The following DLGAP1 variants were observed in gnomAD, a reference collection of about 807,000 sequenced individuals.
The protein encoded by DLGAP1 is disks large-associated protein 1.
Under a neutral mutation model 90.8 loss-of-function variants are expected in DLGAP1, and 11 were observed. The observed-to-expected ratio is 0.12, with a 90% CI of 0.08 to 0.20. The LOEUF (loss-of-function observed/expected upper bound fraction) is 0.20, where lower values mean the gene tolerates loss of function less well. Ranked by LOEUF, DLGAP1 falls within the 10% of genes least tolerant of loss-of-function variation. The pLI is 1.00. For missense variants in DLGAP1, 1,050 were observed against 1,333.8 expected, an observed-to-expected ratio of 0.79 and a Z score of 3.31; for synonymous variants, 558 against 540.7, an observed-to-expected ratio of 1.03 and a Z score of -0.44.
intron 2 of DLGAP1, among the ~76,000 whole-genome samples, chr18:4,025,475 A>G (rs922708564): frequency 2.6e-5 from 4 of 152,194 alleles, no homozygotes; most frequent in African/African-American, 4.8e-5. Flanking sequence ...ATCTCAGATA[A>G]GGGACACTCA....
chr18:3,977,065 TTTTA>T (rs1379664328), intron 3 of DLGAP1, among the ~76,000 whole-genome samples: 3 of 152,090 alleles, frequency 2.0e-5, no homozygotes, highest in Admixed American at 6.5e-5. Flanking sequence ...ATTCTTCTCA[TTTTA>T]TTTATTTATT....
intron 2 of DLGAP1, among the ~76,000 whole-genome samples, chr18:4,124,550 C>T (rs2076203335): frequency 6.6e-6 from 1 of 152,216 alleles, no homozygotes; most frequent in Admixed American, 6.5e-5. Context: ...CTTGGGTCTC[C>T]ACTGACACTA....
At chr18:3,621,198 C>T (rs2058085333) in intron 7 of DLGAP1, among the ~76,000 whole-genome samples, 1 of 152,162 alleles carries the variant, frequency 6.6e-6, no homozygotes, top group Non-Finnish European at 1.5e-5. Context: ...ATTATACCTG[C>T]CCTGACATTA....
chr18:4,027,503 C>CAAAAAAAAAAAA (rs59592467), intron 2 of DLGAP1, among the ~76,000 whole-genome samples: 13 of 55,582 alleles, frequency 2.3e-4, no homozygotes, highest in South Asian at 1.0e-3. Flanking sequence ...GACTCCGTCT[C>CAAAAAAAAAAAA]AAAAAAAAAA....
intron 5 of DLGAP1, among the ~76,000 whole-genome samples, chr18:3,792,624 C>T (rs1412855814): frequency 6.6e-6 from 1 of 152,194 alleles, no homozygotes; most frequent in African/African-American, 2.4e-5. Flanking sequence ...TTGGCCTCCA[C>T]TGCAGACCAG....
At chr18:4,088,327 G>T (rs2075717189) in intron 2 of DLGAP1, among the ~76,000 whole-genome samples, 1 of 152,044 alleles carries the variant, frequency 6.6e-6, no homozygotes. Flanking sequence ...CTATAAACCA[G>T]CAACACAATG....
At chr18:3,738,173 C>G (rs1195419149) in intron 6 of DLGAP1, among the ~76,000 whole-genome samples, 2 of 149,858 alleles carry the variant, frequency 1.3e-5, no homozygotes, top group African/African-American at 4.9e-5. Context: ...TAGGAAGAAT[C>G]AATATCGTGA....
At chr18:3,810,095 C>A (rs2066757370) in intron 5 of DLGAP1, among the ~76,000 whole-genome samples, 1 of 152,110 alleles carries the variant, frequency 6.6e-6, no homozygotes, top group South Asian at 2.1e-4. Context: ...GAAGGAAAAG[C>A]TAGTGATGAG....
chr18:4,206,648 C>A (rs904921567), intron 1 of DLGAP1, among the ~76,000 whole-genome samples: 1 of 152,182 alleles, frequency 6.6e-6, no homozygotes, highest in African/African-American at 2.4e-5. Flanking sequence ...CAGTTAAAAG[C>A]CATAGTGTTC....
At position 3,575,879 on chromosome 18, in the gene DLGAP1, T is replaced by C. The variant is rs1341212553; in HGVS notation, c.1965+5996A>G. Reference sequence around the variant, plus strand: ...TTATACAGAAATTTATATCTTTAAATATTCTAGAAGCAGAGTGCCACAAGG... The same window carrying C: ...TTATACAGAAATTTATATCTTTAAACATTCTAGAAGCAGAGTGCCACAAGG... On this transcript the variant is annotated intron_variant, in intron 8 of 12. Transcript: ENST00000315677. Among the ~76,000 whole-genome samples the C allele has an allele frequency of 2.0e-5, 3 of 152,184 alleles. No homozygotes were observed. The East Asian group carries it at 5.8e-4, about 29-fold the overall frequency.
At chr18:4,202,715 G>A (rs2077631208) in intron 1 of DLGAP1, among the ~76,000 whole-genome samples, 2 of 151,930 alleles carry the variant, frequency 1.3e-5, no homozygotes, top group Admixed American at 1.3e-4. Context: ...CAATCTACAT[G>A]GATTCAGGAA....
chr18:4,148,181 T>A (rs2076617687), intron 2 of DLGAP1, among the ~76,000 whole-genome samples: 1 of 152,076 alleles, frequency 6.6e-6, no homozygotes, highest in Non-Finnish European at 1.5e-5. Flanking sequence ...GCGGGCTAGA[T>A]AAGCTTGCTC....
At chr18:4,248,281 G>A (rs577772806) in intron 1 of DLGAP1, among the ~76,000 whole-genome samples, 6 of 152,310 alleles carry the variant, frequency 3.9e-5, no homozygotes, top group South Asian at 2.1e-4. Context: ...CCTTCACGGC[G>A]AAATGAAGAA....
Position 3,502,700 on chromosome 18 carries a change from AGGGCC to A in DLGAP1, c.2572-60_2572-56del. ...TTTAGAAGCAATTCTTGACAAGCACAGGGCCAAAAAGGCATTTTCAAATATTTCAA... is the reference window on the plus strand; with the variant it reads ...TTTAGAAGCAATTCTTGACAAGCACAAAAAAGGCATTTTCAAATATTTCAA... On this transcript the variant is annotated intron_variant, in intron 11 of 12. Transcript: ENST00000315677. 4.5e-6 allele frequency: 7 copies of A among 1,548,790 alleles called. No individual in the cohort carries two copies. The Admixed American group carries it at 1.0e-4, about 23-fold the overall frequency.
intron 1 of DLGAP1, among the ~76,000 whole-genome samples, chr18:4,238,063 A>G (rs79442309): frequency 0.032 from 4,807 of 152,242 alleles, 254 homozygotes; most frequent in African/African-American, 0.11. Flanking sequence ...TCTTTTAAGC[A>G]TCCTGTTGGT....
At chr18:3,774,017 C>G (rs1392562836) in intron 5 of DLGAP1, among the ~76,000 whole-genome samples, 2 of 152,220 alleles carry the variant, frequency 1.3e-5, no homozygotes, top group Non-Finnish European at 2.9e-5. Context: ...CATCTCCCAG[C>G]AGCTGCCACC....
At chr18:4,416,035 A>G (rs2082891594) in intron 1 of DLGAP1, among the ~76,000 whole-genome samples, 1 of 152,212 alleles carries the variant, frequency 6.6e-6, no homozygotes, top group Non-Finnish European at 1.5e-5. Flanking sequence ...ATGCTCTTCA[A>G]TAAACACATT....
intron 3 of DLGAP1, among the ~76,000 whole-genome samples, chr18:3,980,138 AAAAT>A (rs1351396816): frequency 6.6e-5 from 10 of 152,178 alleles, no homozygotes; most frequent in African/African-American, 2.2e-4. Context: ...TTCATCTCAA[AAAAT>A]AAATAAATAA....
At chr18:3,584,071 C>G (rs1030448577) in intron 7 of DLGAP1, among the ~76,000 whole-genome samples, 1 of 152,174 alleles carries the variant, frequency 6.6e-6, no homozygotes, top group African/African-American at 2.4e-5. Context: ...CATTTGATTA[C>G]AACGCTGAGG....
Sources: gnomAD v4.1 joint callset for allele counts (sites outside exome capture counted in the v4.1 genomes callset) on GRCh38, gnomAD v4.1.1 for gene constraint, MANE v1.5 for transcripts, NCBI Gene and HGNC (gene_info 2026-07-23, HGNC 2026-07-21) for gene names.